The following THSD4 variants were observed in gnomAD, a reference collection of about 807,000 sequenced individuals.
THSD4 encodes the protein thrombospondin type 1 domain containing 4, also known as thrombospondin type-1 domain-containing protein 4.
A neutral mutation model predicts 119.0 loss-of-function variants in THSD4; 69 were observed. That is an observed-to-expected ratio of 0.58 (90% confidence interval 0.48 to 0.71). The LOEUF (loss-of-function observed/expected upper bound fraction) is 0.71. Among genes scored for constraint, THSD4 ranks in the 30% least tolerant of loss-of-function variants. THSD4 has a pLI of 0.00. For missense variants in THSD4, 1,393 were observed against 1,391.1 expected (o/e 1.00, Z -0.02); for synonymous variants, 524 against 540.4 (o/e 0.97, Z 0.42).
intron 15 of THSD4, among the ~76,000 whole-genome samples, 161 bp downstream of exon 15, chr15:71,758,236 T>A (rs2053577322): frequency 6.6e-6 from 1 of 152,220 alleles, no homozygotes; most frequent in South Asian, 2.1e-4. Context: ...TTCTGGAGCC[T>A]CAGTCAGTCA....
chr15:71,589,945 T>C lies in THSD4; in HGVS notation c.1153-70585T>C, dbSNP rs943382440. ...GAAATCAAATGTGAAAGAAAGATGG[T>C]TTCTGAATTATAAATGTACTATATC... On this transcript the variant is annotated intron_variant, in intron 7 of 17. Coordinates refer to ENST00000261862, the MANE Select transcript of THSD4 (RefSeq NM_024817.3). 1.4e-5 allele frequency among the ~76,000 whole-genome samples: 2 copies of C among 139,448 alleles called. 1 individual carries two copies. The highest frequency in any genetic ancestry group is 3.3e-5 in the Non-Finnish European group (2 of 61,234). The allele number at this position is 139,448 out of a possible 152,430, so 91.5% of individuals were successfully genotyped here.
intron 6 of THSD4, among the ~76,000 whole-genome samples, chr15:71,360,268 A>G (rs1178563265): frequency 6.6e-6 from 1 of 152,148 alleles, no homozygotes; most frequent in Non-Finnish European, 1.5e-5. Flanking sequence ...TTTCCCCAGA[A>G]CAAGCATTCT....
intron 5 of THSD4, among the ~76,000 whole-genome samples, chr15:71,243,864 A>G (rs560988035): frequency 7.1e-6 from 1 of 141,646 alleles, no homozygotes; most frequent in South Asian, 2.2e-4. Flanking sequence ...GTCTCACTGC[A>G]ACCTCTGCCT....
At chr15:71,458,147 A>G (rs1460495066) in intron 7 of THSD4, among the ~76,000 whole-genome samples, 1 of 152,244 alleles carries the variant, frequency 6.6e-6, no homozygotes, top group East Asian at 1.9e-4. Context: ...TTTAATGACC[A>G]TGGATTAATT....
intron 7 of THSD4, among the ~76,000 whole-genome samples, chr15:71,615,071 TG>T (rs1426950559): frequency 1.3e-5 from 2 of 152,260 alleles, no homozygotes; most frequent in Non-Finnish European, 2.9e-5. Context: ...GCATTCAGAA[TG>T]GCTCTCAGAT....
chr15:71,387,379 A>G (rs2140461980), intron 6 of THSD4, among the ~76,000 whole-genome samples: 1 of 152,290 alleles, frequency 6.6e-6, no homozygotes, highest in South Asian at 2.1e-4. Flanking sequence ...ACGGGGTTTC[A>G]CTGTAGACAG....
At chr15:71,297,320 T>TTTTTTTTTTGTTTG (rs111707595) in intron 6 of THSD4, among the ~76,000 whole-genome samples, 1 of 148,088 alleles carries the variant, frequency 6.8e-6, no homozygotes, top group African/African-American at 2.5e-5. Context: ...CTCTTCTTTT[T>TTTTTTTTTTGTTTG]TTTGTTTGTT....
At chr15:71,441,337 GGGTTCGGGAGA>G (rs2047085514) in intron 7 of THSD4, among the ~76,000 whole-genome samples, 1 of 152,188 alleles carries the variant, frequency 6.6e-6, no homozygotes, top group African/African-American at 2.4e-5. Flanking sequence ...GTGGGCAACA[GGGTTCGGGAGA>G]GAGGGATGGA....
chr15:71,715,969 T>A (rs1210078014), intron 8 of THSD4, among the ~76,000 whole-genome samples: 1 of 152,304 alleles, frequency 6.6e-6, no homozygotes, highest in South Asian at 2.1e-4. Flanking sequence ...CATAACAAGA[T>A]ACCACAAACT....
chr15:71,379,596 C>G (rs577652797), intron 6 of THSD4, among the ~76,000 whole-genome samples: 2 of 151,048 alleles, frequency 1.3e-5, no homozygotes, highest in East Asian at 3.9e-4. Flanking sequence ...GTAGCTGGGA[C>G]TACAGGTGCC....
intron 3 of THSD4, among the ~76,000 whole-genome samples, chr15:71,158,352 C>T (rs914023754): frequency 1.1e-4 from 17 of 151,954 alleles, no homozygotes; most frequent in African/African-American, 3.9e-4. Flanking sequence ...GGGGTTTCTC[C>T]ATGTTGATCA....
intron 7 of THSD4, among the ~76,000 whole-genome samples, chr15:71,505,122 T>C (rs368143394): frequency 1.3e-5 from 2 of 152,220 alleles, no homozygotes; most frequent in Admixed American, 1.3e-4. Flanking sequence ...TATTGGGATA[T>C]TCATCTTGAT....
chr15:71,344,233 C>T (rs368350122), intron 6 of THSD4, among the ~76,000 whole-genome samples: 8 of 151,888 alleles, frequency 5.3e-5, no homozygotes, highest in Non-Finnish European at 7.4e-5. Flanking sequence ...TTAATAGAGA[C>T]GGGGTTTCAC....
At chr15:71,337,409 C>T (rs1490158892) in intron 6 of THSD4, among the ~76,000 whole-genome samples, 2 of 152,244 alleles carry the variant, frequency 1.3e-5, no homozygotes, top group East Asian at 1.9e-4. Flanking sequence ...GGGCTTGATG[C>T]TCCTTACTCA....
intron 6 of THSD4, among the ~76,000 whole-genome samples, chr15:71,358,250 CTGCCCTGGCCTCTT>C (rs550187107): frequency 1.0e-3 from 156 of 152,356 alleles, no homozygotes; most frequent in African/African-American, 3.4e-3. Flanking sequence ...CCTTAACATT[CTGCCCTGGCCTCTT>C]TTTTTGATGG....
chr15:71,475,739 A>G (rs969734503), intron 7 of THSD4, among the ~76,000 whole-genome samples: 5 of 152,178 alleles, frequency 3.3e-5, no homozygotes, highest in Non-Finnish European at 2.9e-5. Flanking sequence ...CCTGGGCAAC[A>G]TAATGAGACT....
At chr15:71,706,704 A>G (rs1426983207) in intron 8 of THSD4, among the ~76,000 whole-genome samples, 1 of 152,186 alleles carries the variant, frequency 6.6e-6, no homozygotes, top group Admixed American at 6.5e-5. Context: ...TCTACATTCT[A>G]GCAAAAAGGG....
intron 8 of THSD4, among the ~76,000 whole-genome samples, chr15:71,675,380 T>C (rs529717164): frequency 6.6e-6 from 1 of 152,366 alleles, no homozygotes; most frequent in East Asian, 1.9e-4. Flanking sequence ...TCTGTTTACA[T>C]GTCTGTGCTC....
intron 11 of THSD4, among the ~76,000 whole-genome samples, chr15:71,739,158 C>A (rs1040060033): frequency 1.3e-5 from 2 of 151,164 alleles, no homozygotes; most frequent in African/African-American, 4.9e-5. Context: ...TTTACACTGA[C>A]CAACACTCAC....
Sources: gnomAD v4.1 joint callset for allele counts (sites outside exome capture counted in the v4.1 genomes callset) on GRCh38, gnomAD v4.1.1 for gene constraint, MANE v1.5 for transcripts, NCBI Gene and HGNC (gene_info 2026-07-23, HGNC 2026-07-21) for gene names.